The following IREB2 variants were observed in gnomAD, a reference collection of about 807,000 sequenced individuals.
The protein encoded by IREB2 is iron-responsive element-binding protein 2.
In IREB2, 39 loss-of-function variants were observed where a neutral mutation model predicts 118.8. The ratio of observed to expected loss-of-function variants is 0.33; its 90% confidence interval spans 0.25 to 0.43. IREB2 has a LOEUF of 0.43. IREB2 is among the 20% of genes least tolerant of loss of function. The probability of loss-of-function intolerance (pLI) is 1.00; values close to 1 mark genes in which losing one functional copy is unlikely to be tolerated. For missense variants in IREB2, 900 were observed against 1,147.3 expected (o/e 0.78, Z 3.11); for synonymous variants, 372 against 392.2 (o/e 0.95, Z 0.61).
chr15:78,438,183 G>A, upstream of IREB2: 1 of 627,622 alleles, frequency 1.6e-6, no homozygotes. Flanking sequence ...CGCAGACCCG[G>A]GGCTGGCTCT....
chr15:78,476,206 G>A lies in IREB2; in HGVS notation c.1042G>A (p.Val348Met), dbSNP rs2051467505. ...GITKHLRQVG[V>M]AGKFVEFFGS... ...TATATAGCACCTCAGGCAAGTAGGA[G>A]TGGCTGGAAAGTTTGTTGAGTTTTT... is the stretch of plus-strand genomic sequence containing the variant. Residue 348 changes from valine to methionine, a missense_variant, in exon 9 of 22, where the codon GTG (valine) becomes ATG (methionine). By Grantham distance (21) the Val-to-Met change is conservative (BLOSUM62 1). Transcript: ENST00000258886. The A allele has an allele frequency of 6.3e-7, 1 of 1,593,164 alleles. No individual in the cohort carries two copies. The highest frequency in any genetic ancestry group is 1.7e-5 in the Admixed American group (1 of 59,800).
intron 2 of IREB2, among the ~76,000 whole-genome samples, chr15:78,444,358 G>A (rs923513561): frequency 2.6e-5 from 4 of 152,018 alleles, no homozygotes. Flanking sequence ...TGAAGGGGAA[G>A]ATGGTGGAGA....
intron 10 of IREB2, among the ~76,000 whole-genome samples, 178 bp downstream of exon 10, chr15:78,478,575 G>A (rs78901746): frequency 0.15 from 22,796 of 152,096 alleles, 1,745 homozygotes; most frequent in Non-Finnish European, 0.16. Flanking sequence ...CATGGCTTGC[G>A]CCTGTGGTCC....
At chr15:78,484,003 T>C (rs893850480) in intron 11 of IREB2, among the ~76,000 whole-genome samples, 27 of 152,054 alleles carry the variant, frequency 1.8e-4, no homozygotes, top group African/African-American at 6.0e-4. Context: ...CAGACTGGTC[T>C]TCAACTCCTG....
chr15:78,452,969 G>A (rs1323878510), intron 2 of IREB2, among the ~76,000 whole-genome samples: 2 of 152,126 alleles, frequency 1.3e-5, no homozygotes, highest in East Asian at 1.9e-4. Context: ...AAGAAGGCCA[G>A]GTAACACCTG....
chr15:78,465,234 C>A lies in IREB2; in HGVS notation c.273-17C>A. On this transcript the variant is annotated splice_polypyrimidine_tract_variant and intron_variant, in intron 3 of 21. Transcript: ENST00000258886. ...AAAACAATTTGGACTATAATTTGACCATTCTTTATTTTTTAGTGGAATACC... is the reference window on the plus strand; with the variant it reads ...AAAACAATTTGGACTATAATTTGACAATTCTTTATTTTTTAGTGGAATACC... 1 of 1,587,458 alleles carries A rather than the reference C, an allele frequency of 6.3e-7. No homozygotes were observed.
Position 78,475,061 on chromosome 15 carries a change from C to CAAAAA in IREB2, c.1024-1106_1024-1102dup, listed in dbSNP as rs67418312. The CAAAAA allele has an allele frequency of 9.6e-4, 67 of 69,940 alleles. 1 individual carries two copies. Among genetic ancestry groups the CAAAAA allele is most frequent in the East Asian group, 7.0e-3 (16 of 2,272 alleles). 4.3% of individuals were successfully genotyped at this position (69,940 alleles called of 1,614,324 possible). A position where few individuals can be genotyped will look rare whatever the true frequency, so the allele number is the denominator to read the frequency against. On this transcript the variant is annotated intron_variant, in intron 8 of 21. Transcript: ENST00000258886. Reference sequence around the variant, plus strand: ...TGGGCGACAGAGCGAGACTCTGTCTCAAAAAAAAAAAAAAAAAAAAAAAAA... The same window carrying CAAAAA: ...TGGGCGACAGAGCGAGACTCTGTCTCAAAAAAAAAAAAAAAAAAAAAAAAAAAAAA...
At chr15:78,450,661 C>T (rs909487240) in intron 2 of IREB2, among the ~76,000 whole-genome samples, 1 of 152,132 alleles carries the variant, frequency 6.6e-6, no homozygotes, top group African/African-American at 2.4e-5. Flanking sequence ...ATATGACCCT[C>T]GAGGCAGCTT....
At chr15:78,466,125 C>T (rs2051277112) in intron 4 of IREB2, 146 bp from the exon 5 acceptor site, 1 of 495,738 alleles carries the variant, frequency 2.0e-6, no homozygotes, top group Non-Finnish European at 3.6e-6. Flanking sequence ...TGAGATTTGC[C>T]TTTGAAACCT....
chr15:78,486,835 A>G (rs1381772239), intron 13 of IREB2, among the ~76,000 whole-genome samples: 1 of 151,740 alleles, frequency 6.6e-6, no homozygotes, highest in Non-Finnish European at 1.5e-5. Flanking sequence ...ACACCCAGCT[A>G]ATTTTTATGT....
intron 13 of IREB2, among the ~76,000 whole-genome samples, chr15:78,486,667 G>A (rs751686441): frequency 5.5e-4 from 83 of 152,144 alleles, no homozygotes; most frequent in Non-Finnish European, 9.1e-4. Context: ...GATGCTAGTT[G>A]TGTGGGGATT....
In IREB2 at chr15:78,490,410, CTG is replaced by C; in HGVS notation, c.2077-10_2077-9del. 6.4e-7 allele frequency: 1 copy of C among 1,558,264 alleles called. No homozygotes were observed. On this transcript the variant is annotated splice_polypyrimidine_tract_variant and intron_variant, in intron 16 of 21. Transcript: ENST00000258886. ...CTTTGCTTTGGTTCATCAACGAAAACTGTATTCACAGATGGGGAATAAACGGT... is the reference window on the plus strand; with the variant it reads ...CTTTGCTTTGGTTCATCAACGAAAACTATTCACAGATGGGGAATAAACGGT...
rs2051686472 is a variant in IREB2, at chr15:78,487,834, G to C, written c.1794+17G>C. 7.1e-7 allele frequency: 1 copy of C among 1,410,886 alleles called. No homozygotes were observed. Among genetic ancestry groups the C allele is most frequent in the Non-Finnish European group, 1.0e-6 (1 of 999,000 alleles). 87.4% of individuals were successfully genotyped at this position (1,410,886 alleles called of 1,614,324 possible). A position where few individuals can be genotyped will look rare whatever the true frequency, so the allele number is the denominator to read the frequency against. ...GTAAAACAGGTAAAATGTGTGGATT[G>C]GCAAGACATCTAAATGATTTTCTTA... On this transcript the variant is annotated intron_variant, in intron 14 of 21. Transcript: ENST00000258886.
intron 20 of IREB2, among the ~76,000 whole-genome samples, chr15:78,496,465 A>G (rs4886570): frequency 0.97 from 148,326 of 152,296 alleles, 72,368 homozygotes; most frequent in Middle Eastern, 1. Flanking sequence ...ATGGAGTTTC[A>G]CCATGTTGGC....
intron 5 of IREB2, among the ~76,000 whole-genome samples, chr15:78,467,208 CAAAA>C (rs377224708): frequency 6.0e-5 from 6 of 99,946 alleles, no homozygotes; most frequent in Non-Finnish European, 1.9e-5. Context: ...GAGACTGTCG[CAAAA>C]AAAAAAAAAA....
chr15:78,470,362 A>G (rs905652695), intron 5 of IREB2, among the ~76,000 whole-genome samples, 170 bp from the exon 6 acceptor site: 1 of 152,250 alleles, frequency 6.6e-6, no homozygotes, highest in Non-Finnish European at 1.5e-5. Flanking sequence ...ATTTTAAAGC[A>G]GAACTTTGTT....
intron 9 of IREB2, 57 bp from the exon 10 acceptor site, chr15:78,478,240 A>G (rs2141500860): frequency 8.4e-7 from 1 of 1,194,344 alleles, no homozygotes; most frequent in Non-Finnish European, 1.2e-6. Flanking sequence ...TCTGAAAAAA[A>G]TAATAACTAA....
At chr15:78,440,682 A>G (rs2050831577) in intron 2 of IREB2, among the ~76,000 whole-genome samples, 1 of 152,154 alleles carries the variant, frequency 6.6e-6, no homozygotes, top group Non-Finnish European at 1.5e-5. Context: ...TACTTTGTCA[A>G]ATGAACAGTG....
chr15:78,469,504 A>C (rs560290773), intron 5 of IREB2, among the ~76,000 whole-genome samples: 1 of 152,022 alleles, frequency 6.6e-6, no homozygotes, highest in Non-Finnish European at 1.5e-5. Context: ...TGGATCAGTC[A>C]CCTGAGATCG....
Sources: allele counts gnomAD v4.1 joint callset (sites outside exome capture counted in the v4.1 genomes callset), GRCh38; gene constraint gnomAD v4.1.1; transcripts MANE v1.5; gene names NCBI Gene and HGNC (gene_info 2026-07-23, HGNC 2026-07-21).